The following RMDN2 variants were observed in gnomAD, a reference collection of about 807,000 sequenced individuals.
RMDN2 encodes regulator of microtubule dynamics 2, also known as regulator of microtubule dynamics protein 2.
A neutral mutation model predicts 52.8 loss-of-function variants in RMDN2; 61 were observed. That is an observed-to-expected ratio of 1.16 (90% CI 0.94 to 1.43). RMDN2 has a LOEUF of 1.43. Among genes scored for constraint, RMDN2 ranks in the 40% most tolerant of loss-of-function variants. RMDN2 has a pLI of 0.00. For synonymous variants in RMDN2, 180 were observed against 153.1 expected (o/e 1.18, Z -1.30); for missense variants, 592 against 475.3 (o/e 1.25, Z -2.28).
chr2:37,926,696 T>C (rs1043657067), intron 1 of RMDN2, among the ~76,000 whole-genome samples: 1 of 152,242 alleles, frequency 6.6e-6, no homozygotes, highest in African/African-American at 2.4e-5. Context: ...TCCCAGCACT[T>C]TGAGAGGTGG....
rs1676985931 is a variant in RMDN2 at position 38,005,734 on chromosome 2, T to C, written c.1179+1518T>C. Among the ~76,000 whole-genome samples the C allele has an allele frequency of 1.3e-5, 2 of 152,234 alleles. 1 individual carries two copies. The highest frequency in any genetic ancestry group is 2.9e-5 in the Non-Finnish European group (2 of 68,036). ...AGATCCCATTTGTGAATTTTGGCTT[T>C]TGTTGCCATTGCTTTTGGTGTTTTA... On this transcript the variant is annotated intron_variant, in intron 10 of 10. Transcript: ENST00000354545.
At chr2:38,040,245 A>G (rs1680872404) in intron 10 of RMDN2, among the ~76,000 whole-genome samples, 1 of 151,992 alleles carries the variant, frequency 6.6e-6, no homozygotes, top group South Asian at 2.1e-4. Flanking sequence ...TCTTTTATCA[A>G]TACCACGCTG....
Position 37,960,887 on chromosome 2 carries a change from G to A in RMDN2, c.453-13153G>A, listed in dbSNP as rs187989037. ...GGAACTCTTGTAAGGCAGGCCTGGT[G>A]GTTACCAAATCCCTCAGCACTTGCT... On this transcript the variant is annotated intron_variant, in intron 2 of 10. Transcript: ENST00000354545. Among the ~76,000 whole-genome samples, 5 of 152,292 alleles carry A rather than the reference G, an allele frequency of 3.3e-5. No individual in the cohort carries two copies. In the East Asian group the frequency reaches 7.7e-4, roughly 24 times the overall value.
intron 2 of RMDN2, among the ~76,000 whole-genome samples, chr2:37,967,879 A>G (rs964680954): frequency 6.6e-6 from 1 of 152,206 alleles, no homozygotes; most frequent in African/African-American, 2.4e-5. Context: ...GATATGGTTC[A>G]ATTCCCAGGA....
rs995426435 is a variant in RMDN2, at chr2:38,017,186, G to T, written c.1180G>T (p.Asp394Tyr). The T allele has an allele frequency of 1.1e-5, 17 of 1,511,682 alleles. No individual in the cohort carries two copies. Among genetic ancestry groups the T allele is most frequent in the Non-Finnish European group, 1.3e-5 (15 of 1,119,994 alleles). 93.6% of individuals were successfully genotyped at this position (1,511,682 alleles called of 1,614,324 possible). ...TTATGTATTTGTATTTTCTTTATAGGATAAAGAGGCACAGAAAGAGATGCA... is the reference window on the plus strand; with the variant it reads ...TTATGTATTTGTATTTTCTTTATAGTATAAAGAGGCACAGAAAGAGATGCA... ...ALLLPTVTKEDKEAQKEMQKI... is the reference protein window; with the variant it reads ...ALLLPTVTKEYKEAQKEMQKI... The change falls in exon 11 of 11, where the codon GAT (aspartate) becomes TAT (tyrosine). Residue 394 changes from aspartate (D) to tyrosine (Y), a missense_variant and splice_region_variant. Coordinates refer to ENST00000354545, the MANE Select transcript of RMDN2 (RefSeq NM_001170791.3).
chr2:37,948,169 C>T (rs1668381178), intron 2 of RMDN2, among the ~76,000 whole-genome samples: 1 of 152,190 alleles, frequency 6.6e-6, no homozygotes, highest in African/African-American at 2.4e-5. Flanking sequence ...GTTCTTAGGA[C>T]ATACCCCGGA....
chr2:38,055,456 A>C (rs570791510), intron 10 of RMDN2, among the ~76,000 whole-genome samples: 1 of 152,106 alleles, frequency 6.6e-6, no homozygotes, highest in African/African-American at 2.4e-5. Context: ...TCCTTACTCA[A>C]CTGTGTCCTA....
intron 2 of RMDN2, among the ~76,000 whole-genome samples, chr2:37,973,272 G>A (rs72887148): frequency 0.036 from 5,522 of 152,184 alleles, 298 homozygotes; most frequent in African/African-American, 0.12. Context: ...TGAAATGTAG[G>A]CAATAGTATT....
intron 10 of RMDN2, among the ~76,000 whole-genome samples, chr2:38,013,486 A>T (rs1429341744): frequency 3.3e-5 from 5 of 152,226 alleles, no homozygotes; most frequent in Admixed American, 1.3e-4. Flanking sequence ...AGAGCACGTT[A>T]TATTTAGCAA....
chr2:38,027,533 GTT>G (rs1679869787), intron 10 of RMDN2, among the ~76,000 whole-genome samples: 1 of 152,018 alleles, frequency 6.6e-6, no homozygotes, highest in Non-Finnish European at 1.5e-5. Context: ...TTTAAAATAA[GTT>G]TTTATAATGT....
At chr2:38,026,487 TC>T (rs1379799725) in intron 10 of RMDN2, among the ~76,000 whole-genome samples, 1 of 152,216 alleles carries the variant, frequency 6.6e-6, no homozygotes, top group African/African-American at 2.4e-5. Flanking sequence ...TTCATTGATT[TC>T]CACTCTCAAC....
intron 2 of RMDN2, among the ~76,000 whole-genome samples, chr2:37,959,899 A>G (rs1186297853): frequency 6.7e-6 from 1 of 148,212 alleles, no homozygotes; most frequent in Non-Finnish European, 1.5e-5. Flanking sequence ...TAATTTTGTT[A>G]TTCACCCAGT....
intron 10 of RMDN2, among the ~76,000 whole-genome samples, chr2:38,055,511 C>T (rs181297982): frequency 1.3e-5 from 2 of 152,228 alleles, no homozygotes; most frequent in East Asian, 1.9e-4. Flanking sequence ...AAATCAGAAG[C>T]GTAGGAAGCT....
At chr2:37,975,414 G>A (rs1187973978) in intron 4 of RMDN2, 100 bp downstream of exon 4, 5 of 654,812 alleles carry the variant, frequency 7.6e-6, no homozygotes, top group Non-Finnish European at 1.1e-5. Context: ...GCAGGGACAT[G>A]GATGAAGCTG....
At chr2:37,933,619 A>G (rs2124904087) in intron 2 of RMDN2, among the ~76,000 whole-genome samples, 1 of 152,350 alleles carries the variant, frequency 6.6e-6, no homozygotes, top group East Asian at 1.9e-4. Flanking sequence ...AAAAAATACG[A>G]AAACCAGTCA....
intron 2 of RMDN2, among the ~76,000 whole-genome samples, chr2:37,944,552 T>C (rs1668066351): frequency 2.0e-5 from 3 of 152,216 alleles, no homozygotes; most frequent in Admixed American, 2.0e-4. Flanking sequence ...CTTTCACTTC[T>C]AATGTGTTTG....
rs1668443982 is a variant in RMDN2, at chr2:37,948,776, TA to T, written c.452+19050del. The stretch of plus-strand genomic sequence containing the variant: ...CTCATCCCCCAAATGCGCACACACC[TA>T]AACACCGTTTTTTGTGTCTGCATAA... On this transcript the variant is annotated intron_variant, in intron 2 of 10. Transcript: ENST00000354545. 2.0e-5 allele frequency among the ~76,000 whole-genome samples: 3 copies of T among 152,294 alleles called. No individual in the cohort carries two copies. In the South Asian group the frequency reaches 6.2e-4, roughly 32 times the overall value.
At position 37,925,428 on chromosome 2, in the gene RMDN2, G is replaced by C. The variant is rs1297324657; in HGVS notation, c.-17+3G>C. ...AAAGGCCGGCGCAGTGAACACAGGTGCGTGCGCAGTCTGGGAGGGGGCTGC... is the reference window on the plus strand; with the variant it reads ...AAAGGCCGGCGCAGTGAACACAGGTCCGTGCGCAGTCTGGGAGGGGGCTGC... On this transcript the variant is annotated splice_donor_region_variant and intron_variant, in intron 1 of 10. Transcript: ENST00000354545. The C allele has an allele frequency of 6.6e-6, 1 of 152,456 alleles. No individual in the cohort carries two copies. Among genetic ancestry groups the C allele is most frequent in the Non-Finnish European group, 1.5e-5 (1 of 68,232 alleles). 9.4% of individuals were successfully genotyped at this position (152,456 alleles called of 1,614,324 possible).
At chr2:38,003,604 G>GATAGATAGATAGACAGA (rs1306774545) in intron 8 of RMDN2, among the ~76,000 whole-genome samples, 2 of 103,168 alleles carry the variant, frequency 1.9e-5, no homozygotes, top group South Asian at 3.3e-4. Context: ...AGATAGATAG[G>GATAGATAGATAGACAGA]CAGACAGACA....
Sources: gnomAD v4.1 joint callset for allele counts (sites outside exome capture counted in the v4.1 genomes callset) on GRCh38, gnomAD v4.1.1 for gene constraint, MANE v1.5 for transcripts, NCBI Gene and HGNC (gene_info 2026-07-23, HGNC 2026-07-21) for gene names.